TLK1: variants seen among roughly 807,000 people sequenced by gnomAD.
The protein encoded by TLK1 is tousled like kinase 1.
Under a neutral mutation model 105.3 loss-of-function variants are expected in TLK1, and 24 were observed. The observed-to-expected ratio is 0.23, with a 90% confidence interval of 0.17 to 0.32. The LOEUF (loss-of-function observed/expected upper bound fraction) is 0.32, where lower values mean the gene tolerates loss of function less well. Ranked by LOEUF, TLK1 falls within the 10% of genes least tolerant of loss-of-function variation. TLK1 has a pLI of 1.00. For missense variants in TLK1, 558 were observed against 910.5 expected (o/e 0.61, Z 4.98); for synonymous variants, 321 against 310.4 (o/e 1.03, Z -0.36).
At chr2:171,214,686 A>C (rs138197938) in intron 1 of TLK1, among the ~76,000 whole-genome samples, 123 of 152,386 alleles carry the variant, frequency 8.1e-4, no homozygotes, top group East Asian at 2.9e-3. Flanking sequence ...TGGTCTTGGA[A>C]GAACCATACT....
In TLK1 at chr2:171,105,787, G is replaced by C. The variant is rs572330180; in HGVS notation, c.258+11952C>G. Among the ~76,000 whole-genome samples the C allele has an allele frequency of 1.4e-4, 22 of 152,160 alleles. No homozygotes were observed. In the South Asian group the frequency reaches 3.7e-3, roughly 26 times the overall value. The stretch of plus-strand genomic sequence containing the variant: ...AAGTGCGAATTAGTATAGCCATTAT[G>C]GAAAAAAATATGGAGGCTCCTTAAA... On this transcript the variant is annotated intron_variant, in intron 2 of 20. Coordinates refer to ENST00000431350, the MANE Select transcript of TLK1 (RefSeq NM_012290.5).
At chr2:171,061,866 T>C (rs1575563953) in intron 3 of TLK1, among the ~76,000 whole-genome samples, 1 of 152,042 alleles carries the variant, frequency 6.6e-6, no homozygotes, top group Non-Finnish European at 1.5e-5. Context: ...GTATTCCTAA[T>C]AAAATTTTAT....
At chr2:171,131,575 C>T (rs1329693744) in intron 1 of TLK1, among the ~76,000 whole-genome samples, 2 of 152,132 alleles carry the variant, frequency 1.3e-5, no homozygotes, top group East Asian at 3.8e-4. Context: ...TATTATATTT[C>T]TGACTTCATA....
upstream of TLK1, among the ~76,000 whole-genome samples, chr2:171,161,851 T>G (rs1692510523): frequency 6.9e-6 from 1 of 144,296 alleles, no homozygotes; most frequent in East Asian, 2.1e-4. Flanking sequence ...GGATTGGGCT[T>G]CTTGTACATA....
chr2:171,180,820 A>T (rs1312882466), intron 1 of TLK1, among the ~76,000 whole-genome samples: 5 of 136,308 alleles, frequency 3.7e-5, no homozygotes, highest in African/African-American at 5.7e-5. Context: ...TGTTAAGAGG[A>T]TGCTTTTTTT....
chr2:171,200,054 G>C (rs1693368933), intron 1 of TLK1, among the ~76,000 whole-genome samples: 1 of 152,160 alleles, frequency 6.6e-6, no homozygotes, highest in Admixed American at 6.5e-5. Flanking sequence ...ACTGGATGGT[G>C]AGGCCAAGCA....
intron 1 of TLK1, among the ~76,000 whole-genome samples, chr2:171,225,041 A>C (rs1481279251): frequency 1.3e-5 from 2 of 152,192 alleles, no homozygotes; most frequent in Non-Finnish European, 2.9e-5. Context: ...CCTACCTCAC[A>C]TCATATATAA....
At chr2:171,114,986 A>G in intron 2 of TLK1, among the ~76,000 whole-genome samples, 1 of 152,146 alleles carries the variant, frequency 6.6e-6, no homozygotes. Context: ...ACTATAATAA[A>G]TTTGTGTTAT....
chr2:171,006,914 C>T, intron 15 of TLK1, 25 bp from the exon 16 acceptor site: 2 of 1,605,956 alleles, frequency 1.2e-6, no homozygotes, highest in Non-Finnish European at 1.7e-6. Context: ...TGTATTAATT[C>T]TCCATGATCA....
intron 3 of TLK1, among the ~76,000 whole-genome samples, chr2:171,073,511 T>C (rs1688354898): frequency 6.6e-6 from 1 of 152,154 alleles, no homozygotes; most frequent in South Asian, 2.1e-4. Flanking sequence ...AGAATTCTGA[T>C]ATACATATTC....
At chr2:171,047,865 A>C (rs1379154095) in intron 10 of TLK1, among the ~76,000 whole-genome samples, 1 of 152,200 alleles carries the variant, frequency 6.6e-6, no homozygotes, top group African/African-American at 2.4e-5. Context: ...TATATCACCA[A>C]TTATAAACGG....
rs529833084 is a variant in TLK1, at chr2:171,141,983, A to G, written c.139+18307T>C. ...GGGAGTTAAAATATCAGAGAACTAA[A>G]CTATCTGGCAATAGTATGTAATTCT... On this transcript the variant is annotated intron_variant, in intron 1 of 20. Transcript: ENST00000431350. Among the ~76,000 whole-genome samples, 9 of 152,278 alleles carry G rather than the reference A, an allele frequency of 5.9e-5. No homozygotes were observed. In the South Asian group the frequency reaches 1.7e-3, roughly 28 times the overall value.
At chr2:171,049,720 G>T in intron 10 of TLK1, 94 bp downstream of exon 10, 1 of 1,455,716 alleles carries the variant, frequency 6.9e-7, no homozygotes, top group East Asian at 2.3e-5. Flanking sequence ...AGAGTAGCGA[G>T]GAACTGGAGA....
chr2:171,012,777 A>G (rs1684982923), intron 13 of TLK1, among the ~76,000 whole-genome samples: 1 of 152,064 alleles, frequency 6.6e-6, no homozygotes, highest in Non-Finnish European at 1.5e-5. Flanking sequence ...ACGCCTGGCC[A>G]AAATACATTG....
upstream of TLK1, among the ~76,000 whole-genome samples, chr2:171,164,804 G>A (rs948208112): frequency 3.3e-5 from 5 of 151,940 alleles, no homozygotes; most frequent in African/African-American, 1.2e-4. Flanking sequence ...TAGTATATGG[G>A]CATTCAAAAA....
intron 8 of TLK1, among the ~76,000 whole-genome samples, chr2:171,053,382 GAGAC>G (rs1687335869): frequency 6.9e-6 from 1 of 144,746 alleles, no homozygotes; most frequent in African/African-American, 2.6e-5. Flanking sequence ...TTTTTTTTCT[GAGAC>G]AGAGTCTCAC....
chr2:171,217,417 G>T (rs1287774134), intron 1 of TLK1, among the ~76,000 whole-genome samples: 1 of 152,150 alleles, frequency 6.6e-6, no homozygotes, highest in African/African-American at 2.4e-5. Flanking sequence ...TTGAGAACTG[G>T]TTTCTGGACC....
chr2:171,007,206 A>G (rs1684689427), intron 14 of TLK1, 143 bp from the exon 15 acceptor site: 1 of 547,950 alleles, frequency 1.8e-6, no homozygotes, highest in African/African-American at 1.9e-5. Flanking sequence ...TGCTAAGACT[A>G]TATATAGCTC....
At chr2:171,126,971 A>C (rs1690892116) in intron 1 of TLK1, among the ~76,000 whole-genome samples, 1 of 151,948 alleles carries the variant, frequency 6.6e-6, no homozygotes, top group South Asian at 2.1e-4. Flanking sequence ...AAAGTATCGA[A>C]AGCAAAAGAA....
Sources: allele counts gnomAD v4.1 joint callset (sites outside exome capture counted in the v4.1 genomes callset), GRCh38; gene constraint gnomAD v4.1.1; transcripts MANE v1.5; gene names NCBI Gene and HGNC (gene_info 2026-07-23, HGNC 2026-07-21).